PPP2R2B: variants seen among roughly 807,000 people sequenced by gnomAD.
The protein encoded by PPP2R2B is serine/threonine-protein phosphatase 2A 55 kDa regulatory subunit B beta isoform.
In PPP2R2B, 5 loss-of-function variants were observed where a neutral mutation model predicts 46.0. That is an observed-to-expected ratio of 0.11 (90% CI 0.06 to 0.23). PPP2R2B has a LOEUF of 0.23. PPP2R2B is among the 10% of genes least tolerant of loss of function. The probability of loss-of-function intolerance (pLI) is 1.00; values close to 1 mark genes in which losing one functional copy is unlikely to be tolerated. For missense variants in PPP2R2B, 367 were observed against 575.0 expected (o/e 0.64, Z 3.70); for synonymous variants, 215 against 206.7 (o/e 1.04, Z -0.34).
rs550966419 is a variant in PPP2R2B, at chr5:146,842,607, T to C, written c.70+35395A>G. Among the ~76,000 whole-genome samples, 207 of 152,104 alleles carry C rather than the reference T, an allele frequency of 1.4e-3. 3 individuals carry two copies. The highest frequency in any genetic ancestry group is 4.8e-3 in the African/African-American group (201 of 41,482). On this transcript the variant is annotated intron_variant, in intron 2 of 9. Coordinates refer to ENST00000394411, the MANE Select transcript of PPP2R2B (RefSeq NM_181675.4). ...TTCATCACCCAGGTATTAAGCTTGG[T>C]ATCCATTCATTATTTTTCCTGGTCA... is the stretch of plus-strand genomic sequence containing the variant.
chr5:146,802,104 C>T (rs1262605243), intron 2 of PPP2R2B, among the ~76,000 whole-genome samples: 2 of 152,168 alleles, frequency 1.3e-5, no homozygotes, highest in Non-Finnish European at 2.9e-5. Context: ...CACACAAACA[C>T]CCAATGGTTC....
At chr5:146,985,112 C>G (rs191025011) in intron 1 of PPP2R2B, among the ~76,000 whole-genome samples, 1 of 147,878 alleles carries the variant, frequency 6.8e-6, no homozygotes, top group African/African-American at 2.5e-5. Context: ...CCTATGCCTC[C>G]CAGGTTCAAG....
intron 1 of PPP2R2B, among the ~76,000 whole-genome samples, chr5:146,896,926 T>C (rs1028348518): frequency 2.0e-5 from 3 of 152,156 alleles, no homozygotes; most frequent in African/African-American, 7.2e-5. Flanking sequence ...TAAGAAATGC[T>C]GGCTTAGCCT....
intron 1 of PPP2R2B, among the ~76,000 whole-genome samples, chr5:147,011,811 C>T (rs1201395545): frequency 7.1e-6 from 1 of 140,512 alleles, no homozygotes; most frequent in African/African-American, 2.7e-5. Flanking sequence ...TTGTCAAAGG[C>T]CTTTTCTGCA....
At chr5:146,621,498 C>A (rs1207595080) in intron 7 of PPP2R2B, among the ~76,000 whole-genome samples, 1 of 152,192 alleles carries the variant, frequency 6.6e-6, no homozygotes, top group Non-Finnish European at 1.5e-5. Context: ...CGGCCCCACA[C>A]CTCTGAAGGC....
chr5:147,003,766 A>T (rs1754298350), intron 1 of PPP2R2B, among the ~76,000 whole-genome samples: 2 of 152,128 alleles, frequency 1.3e-5, no homozygotes, highest in Non-Finnish European at 2.9e-5. Context: ...ATTAGGAAAA[A>T]GCCCATGAAT....
rs751014580 is a variant in PPP2R2B, at chr5:146,691,110, G to A, written c.447+18C>T. The A allele has an allele frequency of 1.9e-6, 3 of 1,607,804 alleles. No individual in the cohort carries two copies. Among genetic ancestry groups the A allele is most frequent in the Non-Finnish European group, 2.6e-6 (3 of 1,175,214 alleles). On this transcript the variant is annotated intron_variant, in intron 5 of 9. Transcript: ENST00000394411. ...CCTGCCCCTGACTGTGGTGGCCAGG[G>A]CAGCTGTTTGCACTCACCCGCAGGG...
chr5:146,822,519 A>G (rs1582191233), intron 2 of PPP2R2B, among the ~76,000 whole-genome samples: 1 of 134,344 alleles, frequency 7.4e-6, no homozygotes, highest in African/African-American at 2.8e-5. Flanking sequence ...CATTCCCTAA[A>G]TTTTCTTCAT....
chr5:146,706,521 C>T (rs1208827170), intron 2 of PPP2R2B: 3 of 1,181,672 alleles, frequency 2.5e-6, no homozygotes, highest in African/African-American at 1.5e-5. Context: ...ACGCAGCTGC[C>T]GCGCCATGTC....
chr5:146,618,528 C>T (rs957218938), intron 7 of PPP2R2B, among the ~76,000 whole-genome samples: 14 of 152,224 alleles, frequency 9.2e-5, no homozygotes, highest in African/African-American at 1.2e-4. Flanking sequence ...TATCCTCCTC[C>T]GTTTGTCAAC....
intron 2 of PPP2R2B, among the ~76,000 whole-genome samples, chr5:146,741,488 T>A (rs1038523658): frequency 3.3e-5 from 5 of 152,158 alleles, no homozygotes; most frequent in African/African-American, 1.2e-4. Context: ...ACTCCCGGTG[T>A]CCTTGTAGAT....
intron 2 of PPP2R2B, among the ~76,000 whole-genome samples, chr5:146,788,098 T>C (rs897300223): frequency 5.9e-5 from 9 of 152,148 alleles, no homozygotes; most frequent in African/African-American, 2.2e-4. Flanking sequence ...CTCTGCCTCC[T>C]CCATGCCGTT....
intron 4 of PPP2R2B, among the ~76,000 whole-genome samples, chr5:146,692,049 A>G (rs781088236): frequency 3.9e-5 from 6 of 152,176 alleles, no homozygotes; most frequent in African/African-American, 7.2e-5. Flanking sequence ...TTATTTATCA[A>G]ATAACTATCT....
At chr5:147,011,664 A>C (rs1432693845) in intron 1 of PPP2R2B, among the ~76,000 whole-genome samples, 3 of 150,554 alleles carry the variant, frequency 2.0e-5, no homozygotes, top group Non-Finnish European at 3.0e-5. Flanking sequence ...CCAGTTTTCA[A>C]AGGGAATGCT....
chr5:146,915,140 T>C (rs976798084), intron 1 of PPP2R2B, among the ~76,000 whole-genome samples: 11 of 152,166 alleles, frequency 7.2e-5, no homozygotes, highest in Non-Finnish European at 1.6e-4. Flanking sequence ...CCATCATCTT[T>C]CATCTGGGCT....
intron 1 of PPP2R2B, among the ~76,000 whole-genome samples, chr5:146,978,831 T>C (rs921636814): frequency 2.6e-5 from 4 of 152,210 alleles, no homozygotes; most frequent in African/African-American, 4.8e-5. Flanking sequence ...TCTTTTTGCT[T>C]AGGATTGTCT....
intron 5 of PPP2R2B, among the ~76,000 whole-genome samples, chr5:146,675,037 A>AC (rs1777615723): frequency 6.6e-6 from 1 of 152,140 alleles, no homozygotes; most frequent in South Asian, 2.1e-4. Context: ...ATCTCAGCTC[A>AC]CTGCAACCTC....
intron 2 of PPP2R2B, among the ~76,000 whole-genome samples, chr5:146,730,045 C>T (rs1309399614): frequency 2.0e-5 from 3 of 152,170 alleles, no homozygotes; most frequent in Non-Finnish European, 2.9e-5. Flanking sequence ...TCAATGCCAA[C>T]CCATGAAAGC....
rs745692719 is a variant in PPP2R2B at position 146,983,176 on chromosome 5, A to ATTTTTTTTTTTTT, written c.79+72476_79+72488dup. ...GTTTATCTATCGTGTTTTCCAGAGC[A>ATTTTTTTTTTTTT]TTTTTTTTTTTTTTTTTTTTTTGAG... On this transcript the variant is annotated intron_variant, in intron 1 of 8. Transcript: ENST00000336640. Among the ~76,000 whole-genome samples, 24 of 80,876 alleles carry ATTTTTTTTTTTTT rather than the reference A, an allele frequency of 3.0e-4. 2 individuals are homozygous for ATTTTTTTTTTTTT. The highest frequency in any genetic ancestry group is 5.2e-4 in the South Asian group (1 of 1,910). 53.1% of individuals were successfully genotyped at this position (80,876 alleles called of 152,430 possible).
Sources: allele counts gnomAD v4.1 joint callset (sites outside exome capture counted in the v4.1 genomes callset), GRCh38; gene constraint gnomAD v4.1.1; transcripts MANE v1.5; gene names NCBI Gene and HGNC (gene_info 2026-07-23, HGNC 2026-07-21).